Variants in STK24 observed in about 807,000 individuals in gnomAD.
STK24 encodes the protein serine/threonine-protein kinase 24.
A neutral mutation model predicts 55.6 loss-of-function variants in STK24; 21 were observed. The ratio of observed to expected loss-of-function variants is 0.38; its 90% confidence interval spans 0.27 to 0.54. The LOEUF is 0.54. Among genes scored for constraint, STK24 ranks in the 20% least tolerant of loss-of-function variants. The pLI is 0.79. For synonymous variants in STK24, 200 were observed against 215.2 expected (o/e 0.93, Z 0.62); for missense variants, 383 against 538.4 (o/e 0.71, Z 2.86).
chr13:98,544,997 T>C (rs902473813), intron 1 of STK24, among the ~76,000 whole-genome samples: 8 of 152,002 alleles, frequency 5.3e-5, no homozygotes, highest in Non-Finnish European at 7.4e-5. Flanking sequence ...AAAATGAAAA[T>C]AAGCAAAAGG....
chr13:98,481,612 C>A (rs1433980353), intron 3 of STK24, among the ~76,000 whole-genome samples: 2 of 152,186 alleles, frequency 1.3e-5, no homozygotes, highest in African/African-American at 4.8e-5. Context: ...AGATAACAGC[C>A]CTACAAAAGT....
rs1448530315 is a variant in STK24 at position 98,573,719 on chromosome 13, A to G, written c.42+3026T>C. Among the ~76,000 whole-genome samples the G allele has an allele frequency of 3.3e-4, 50 of 152,250 alleles. 1 individual carries two copies. The highest frequency in any genetic ancestry group is 3.3e-3 in the Admixed American group (50 of 15,282). ...AATGAGATAAACTTTAATGTTTGCA[A>G]AAGTAACCATAAAACAGTAACACTG... On this transcript the variant is annotated intron_variant, in intron 1 of 10. Coordinates refer to ENST00000539966, the MANE Select transcript of STK24 (RefSeq NM_001032296.4).
rs1224544356 is a variant in STK24, at chr13:98,449,425, G to A, written c.*3748C>T. 3 of 152,112 alleles carry A rather than the reference G, an allele frequency of 2.0e-5. No individual in the cohort carries two copies. Among genetic ancestry groups the A allele is most frequent in the Non-Finnish European group, 4.4e-5 (3 of 68,038 alleles). The allele number at this position is 152,112 out of a possible 1,614,324, so 9.4% of individuals were successfully genotyped here. A position where few individuals can be genotyped will look rare whatever the true frequency, so the allele number is the denominator to read the frequency against. On this transcript the variant is annotated 3_prime_UTR_variant, in exon 11 of 11. Transcript: ENST00000539966. ...TGGCTTTGGCCCCTACTCGGGAAAC[G>A]TCTGCCTGTTCTCGATGGTGATGGG... is the stretch of plus-strand genomic sequence containing the variant.
chr13:98,576,774 G>T lies in STK24; in HGVS notation c.13C>A (p.Pro5Thr). The T allele has an allele frequency of 6.9e-7, 1 of 1,441,566 alleles. No homozygotes were observed. The highest frequency in any genetic ancestry group is 9.1e-7 in the Non-Finnish European group (1 of 1,098,854). The allele number at this position is 1,441,566 out of a possible 1,614,324, so 89.3% of individuals were successfully genotyped here. A position where few individuals can be genotyped will look rare whatever the true frequency, so the allele number is the denominator to read the frequency against. The change falls in exon 1 of 11, where the codon CCG (proline) becomes ACG (threonine). Residue 5 changes from proline to threonine, a missense_variant. Coordinates refer to ENST00000539966, the MANE Select transcript of STK24 (RefSeq NM_001032296.4). MAHS[P>T]VQSGLPGMQN... is the part of the protein sequence containing the mutation. ...ATGCCGGGCAGGCCCGACTGCACCG[G>T]GGAGTGAGCCATGGCGCTCAGGACG...
intron 10 of STK24, chr13:98,456,310 C>T (rs1426755866): frequency 5.6e-6 from 2 of 360,340 alleles, no homozygotes; most frequent in Non-Finnish European, 1.1e-5. Flanking sequence ...GACGCAGTCT[C>T]AGGAAAGACC....
intron 2 of STK24, 34 bp downstream of exon 2, chr13:98,519,209 G>T: frequency 1.3e-6 from 2 of 1,569,602 alleles, no homozygotes; most frequent in Non-Finnish European, 1.8e-6. Context: ...GCCAAGTGCT[G>T]CAGAACGGAG....
At position 98,474,988 on chromosome 13, in the gene STK24, A is replaced by C. The variant is rs780308382; in HGVS notation, c.440-10T>G. ...AGCAGGACGTTGGCCGCTGCAAAAG[A>C]AAGCCAAGGCGGCCCTGGGCGGTGC... On this transcript the variant is annotated splice_polypyrimidine_tract_variant and intron_variant, in intron 4 of 10. Coordinates refer to ENST00000539966, the MANE Select transcript of STK24 (RefSeq NM_001032296.4). The C allele has an allele frequency of 2.1e-5, 33 of 1,606,640 alleles. 1 individual carries two copies. The South Asian group carries it at 3.3e-4, about 16-fold the overall frequency.
chr13:98,550,869 CA>C (rs1237894775), intron 1 of STK24, among the ~76,000 whole-genome samples: 3 of 151,696 alleles, frequency 2.0e-5, no homozygotes, highest in Non-Finnish European at 1.5e-5. Context: ...ACAATAAAAG[CA>C]AAAAGAAAAC....
At chr13:98,511,839 TAAGA>T (rs1555307419) in intron 2 of STK24, among the ~76,000 whole-genome samples, 1 of 151,978 alleles carries the variant, frequency 6.6e-6, no homozygotes, top group Non-Finnish European at 1.5e-5. Flanking sequence ...GTGGTACTTA[TAAGA>T]ATCTATACAT....
At chr13:98,538,769 G>A (rs1262741532) in intron 1 of STK24, among the ~76,000 whole-genome samples, 2 of 152,122 alleles carry the variant, frequency 1.3e-5, no homozygotes, top group African/African-American at 4.8e-5. Flanking sequence ...CAGCCCACCT[G>A]CCGCCTGACC....
chr13:98,483,507 G>A (rs1894682847), intron 2 of STK24, among the ~76,000 whole-genome samples: 1 of 152,132 alleles, frequency 6.6e-6, no homozygotes, highest in Admixed American at 6.5e-5. Context: ...CTGACTCCAG[G>A]TCTCACTGCG....
intron 2 of STK24, among the ~76,000 whole-genome samples, chr13:98,498,604 T>C (rs1594613674): frequency 1.3e-5 from 2 of 152,308 alleles, no homozygotes; most frequent in East Asian, 3.9e-4. Context: ...GAAAGAGTGG[T>C]GTGTGAGGAC....
rs1277022475 is a variant in STK24, at chr13:98,529,994, C to A, written c.43-10521G>T. ...AGAAGGCTCTACTCCACTGGCACTG[C>A]TGGAGAAGGAAGCCGATGTTAGACA... On this transcript the variant is annotated intron_variant, in intron 1 of 10. Transcript: ENST00000539966. 3.3e-5 allele frequency among the ~76,000 whole-genome samples: 5 copies of A among 152,128 alleles called. No homozygotes were observed. In the East Asian group the frequency reaches 7.7e-4, roughly 23 times the overall value.
In STK24 at chr13:98,474,997, G is replaced by A. The variant is rs1289805509; in HGVS notation, c.440-19C>T. 1.3e-6 allele frequency: 2 copies of A among 1,596,096 alleles called. No homozygotes were observed. The highest frequency in any genetic ancestry group is 1.7e-6 in the Non-Finnish European group (2 of 1,171,954). On this transcript the variant is annotated intron_variant, in intron 4 of 10. Coordinates refer to ENST00000539966, the MANE Select transcript of STK24 (RefSeq NM_001032296.4). ...TTGGCCGCTGCAAAAGAAAGCCAAG[G>A]CGGCCCTGGGCGGTGCGGACTTACA...
intron 2 of STK24, among the ~76,000 whole-genome samples, chr13:98,518,395 G>A (rs1001939659): frequency 1.3e-5 from 2 of 152,180 alleles, no homozygotes; most frequent in African/African-American, 4.8e-5. Flanking sequence ...CAGGTTTATC[G>A]CTGCCTCCCC....
intron 1 of STK24, among the ~76,000 whole-genome samples, chr13:98,534,354 C>T (rs1344406463): frequency 6.6e-6 from 1 of 152,230 alleles, no homozygotes; most frequent in Non-Finnish European, 1.5e-5. Flanking sequence ...TGCTTCTACC[C>T]TCCAAGCTGT....
intron 3 of STK24, among the ~76,000 whole-genome samples, chr13:98,475,849 C>A (rs886883716): frequency 6.6e-6 from 1 of 151,706 alleles, no homozygotes; most frequent in African/African-American, 2.4e-5. Context: ...GGTTCCCTTA[C>A]CAGAAGGCTC....
chr13:98,485,097 A>G (rs1360978517), intron 2 of STK24, among the ~76,000 whole-genome samples: 6 of 152,180 alleles, frequency 3.9e-5, no homozygotes, highest in Non-Finnish European at 2.9e-5. Context: ...CTGCTTTTCA[A>G]CCTCATTGGG....
intron 1 of STK24, chr13:98,521,947 T>C (rs1896276001): frequency 1.5e-6 from 2 of 1,291,894 alleles, no homozygotes; most frequent in East Asian, 2.4e-5. Flanking sequence ...CTTGGCAACA[T>C]GCTCCAGTTT....
Sources: allele counts gnomAD v4.1 joint callset (sites outside exome capture counted in the v4.1 genomes callset), GRCh38; gene constraint gnomAD v4.1.1; transcripts MANE v1.5; gene names NCBI Gene and HGNC (gene_info 2026-07-23, HGNC 2026-07-21).